Variants in LRBA observed in about 807,000 individuals in gnomAD.
The protein encoded by LRBA is LPS responsive beige-like anchor protein, also known as lipopolysaccharide-responsive and beige-like anchor protein.
Under a neutral mutation model 330.0 loss-of-function variants are expected in LRBA, and 176 were observed. The ratio of observed to expected loss-of-function variants is 0.53; its 90% CI spans 0.47 to 0.60. LRBA has a LOEUF of 0.60. Ranked by LOEUF, LRBA falls within the 20% of genes least tolerant of loss-of-function variation. LRBA has a pLI of 0.00. For synonymous variants in LRBA, 1,230 were observed against 1,193.0 expected, an observed-to-expected ratio of 1.03 and a Z score of -0.64; for missense variants, 3,259 against 3,444.8, an observed-to-expected ratio of 0.95 and a Z score of 1.35.
At chr4:150,375,533 C>T (rs1741140202) in intron 47 of LRBA, among the ~76,000 whole-genome samples, 1 of 152,028 alleles carries the variant, frequency 6.6e-6, no homozygotes, top group Non-Finnish European at 1.5e-5. Flanking sequence ...TGTCGGCTCA[C>T]TGCAAACTCC....
In LRBA at chr4:150,532,566, G is replaced by C. The variant is rs551888868; in HGVS notation, c.6331-41531C>G. Among the ~76,000 whole-genome samples, 26 of 151,980 alleles carry C rather than the reference G, an allele frequency of 1.7e-4. No individual in the cohort carries two copies. In the South Asian group the frequency reaches 5.4e-3, roughly 32 times the overall value. ...CATTTATCTTTAAAAAAAAATACCA[G>C]TGATAATTTATGAATTGGTATATTA... is the stretch of plus-strand genomic sequence containing the variant. On this transcript the variant is annotated intron_variant, in intron 40 of 56. Transcript: ENST00000651943.
At chr4:150,557,079 G>A (rs1767420026) in intron 40 of LRBA, among the ~76,000 whole-genome samples, 1 of 152,088 alleles carries the variant, frequency 6.6e-6, no homozygotes, top group African/African-American at 2.4e-5. Flanking sequence ...TTCTAGAGCT[G>A]CAGAAGGGAA....
intron 40 of LRBA, among the ~76,000 whole-genome samples, chr4:150,562,682 C>CA (rs1426669963): frequency 1.3e-5 from 2 of 152,110 alleles, no homozygotes; most frequent in African/African-American, 4.8e-5. Flanking sequence ...TATCTGCATT[C>CA]AAGACATTAA....
chr4:150,878,820 T>C (rs917489174), intron 17 of LRBA, among the ~76,000 whole-genome samples: 2 of 151,018 alleles, frequency 1.3e-5, no homozygotes, highest in African/African-American at 4.9e-5. Context: ...TCCGAAACTG[T>C]ATACCTGCTT....
intron 30 of LRBA, among the ~76,000 whole-genome samples, chr4:150,825,380 G>A (rs1243899273): frequency 4.0e-5 from 6 of 151,784 alleles, no homozygotes; most frequent in Non-Finnish European, 8.8e-5. Context: ...TTATGGGGCA[G>A]GGGGGGAAGG....
At chr4:150,702,780 A>T (rs932311298) in intron 36 of LRBA, among the ~76,000 whole-genome samples, 41 of 152,094 alleles carry the variant, frequency 2.7e-4, no homozygotes, top group African/African-American at 9.9e-4. Context: ...TAACAAACCA[A>T]CTCAACCCTT....
chr4:150,329,250 G>A (rs1733686194), intron 48 of LRBA, among the ~76,000 whole-genome samples: 1 of 152,162 alleles, frequency 6.6e-6, no homozygotes. Flanking sequence ...TTCAGTTCTT[G>A]ATATTAAAAA....
At chr4:150,533,478 C>CT (rs1764265668) in intron 40 of LRBA, among the ~76,000 whole-genome samples, 1 of 141,882 alleles carries the variant, frequency 7.0e-6, no homozygotes, top group Non-Finnish European at 1.5e-5. Flanking sequence ...AGCCAAAACC[C>CT]ATTTTTTTTT....
At chr4:150,540,355 C>T (rs972797131) in intron 40 of LRBA, among the ~76,000 whole-genome samples, 5 of 152,108 alleles carry the variant, frequency 3.3e-5, no homozygotes, top group Non-Finnish European at 5.9e-5. Flanking sequence ...TCACCACACC[C>T]GGCTAATTTT....
At chr4:150,379,285 A>G (rs1741827085) in intron 47 of LRBA, among the ~76,000 whole-genome samples, 1 of 140,450 alleles carries the variant, frequency 7.1e-6, no homozygotes, top group African/African-American at 2.6e-5. Flanking sequence ...CCTGGGCAAC[A>G]AGAGGGAAAC....
chr4:150,715,125 C>T (rs1786613105), intron 36 of LRBA, among the ~76,000 whole-genome samples: 1 of 152,154 alleles, frequency 6.6e-6, no homozygotes, highest in Non-Finnish European at 1.5e-5. Flanking sequence ...CTCACTTTCT[C>T]CCAATCCTAA....
intron 20 of LRBA, among the ~76,000 whole-genome samples, chr4:150,869,491 C>A (rs143539959): frequency 0.023 from 3,465 of 151,966 alleles, 122 homozygotes; most frequent in African/African-American, 0.079. Context: ...GAGTTCAAGA[C>A]CACCCTGGCC....
At chr4:150,281,600 C>T (rs780596441) in intron 55 of LRBA, among the ~76,000 whole-genome samples, 16 of 152,182 alleles carry the variant, frequency 1.1e-4, no homozygotes, top group African/African-American at 1.9e-4. Context: ...GCTAGCCCAA[C>T]GCCAGGGTAG....
chr4:150,869,922 C>G (rs1753228249), intron 20 of LRBA, among the ~76,000 whole-genome samples: 1 of 151,990 alleles, frequency 6.6e-6, no homozygotes, highest in South Asian at 2.1e-4. Flanking sequence ...AAAATTAAAC[C>G]TCAAAGCCAC....
intron 17 of LRBA, among the ~76,000 whole-genome samples, chr4:150,877,401 C>T (rs560569836): frequency 5.3e-5 from 8 of 151,872 alleles, no homozygotes; most frequent in South Asian, 2.1e-4. Flanking sequence ...ATAAAACAAA[C>T]GATAAACTAT....
At position 150,321,154 on chromosome 4, in the gene LRBA, C is replaced by G. The variant is rs1169487588; in HGVS notation, c.7630+37G>C. 1 of 1,547,070 alleles carries G rather than the reference C, an allele frequency of 6.5e-7. No individual in the cohort carries two copies. On this transcript the variant is annotated intron_variant, in intron 50 of 56. Transcript: ENST00000651943. This position sits in a 1 kb window ranked among gnomAD's most constrained non-coding sequence, Gnocchi z 4.5. ...TAAGTGGGTATTACACAGTGTTCAGCAGTTACCATGCCTTATAATGGTATT... is the reference window on the plus strand; with the variant it reads ...TAAGTGGGTATTACACAGTGTTCAGGAGTTACCATGCCTTATAATGGTATT...
chr4:150,289,618 A>G (rs151223669), intron 53 of LRBA, among the ~76,000 whole-genome samples: 2 of 152,312 alleles, frequency 1.3e-5, no homozygotes, highest in Non-Finnish European at 2.9e-5. Flanking sequence ...ATAAACCCAC[A>G]TACATCAATA....
At chr4:150,927,049 GA>G (rs1191411323) in intron 4 of LRBA, among the ~76,000 whole-genome samples, 1 of 145,648 alleles carries the variant, frequency 6.9e-6, no homozygotes, top group African/African-American at 2.5e-5. Context: ...TTAGCCTGGC[GA>G]CAGAGCAAGA....
At chr4:150,401,954 AAG>A (rs1220228852) in intron 47 of LRBA, among the ~76,000 whole-genome samples, 2 of 152,066 alleles carry the variant, frequency 1.3e-5, no homozygotes, top group African/African-American at 4.8e-5. Context: ...TCACATAAAA[AAG>A]AGGGAGGGAA....
Sources: allele counts gnomAD v4.1 joint callset (sites outside exome capture counted in the v4.1 genomes callset), GRCh38; gene constraint gnomAD v4.1.1; non-coding constraint Gnocchi (gnomAD v3.1); transcripts MANE v1.5; gene names NCBI Gene and HGNC (gene_info 2026-07-23, HGNC 2026-07-21).